Variants in PAPPA2 observed in about 807,000 individuals in gnomAD.
The protein encoded by PAPPA2 is pappalysin-2.
Under a neutral mutation model 176.4 loss-of-function variants are expected in PAPPA2, and 86 were observed. The ratio of observed to expected loss-of-function variants is 0.49; its 90% CI spans 0.41 to 0.58. The LOEUF (loss-of-function observed/expected upper bound fraction) is 0.58. PAPPA2 is among the 20% of genes least tolerant of loss of function. The pLI is 0.00. For missense variants in PAPPA2, 2,073 were observed against 2,256.9 expected (o/e 0.92, Z 1.65); for synonymous variants, 809 against 852.2 (o/e 0.95, Z 0.88).
chr1:176,641,862 C>A (rs960807420), intron 3 of PAPPA2, among the ~76,000 whole-genome samples: 2 of 151,848 alleles, frequency 1.3e-5, no homozygotes, highest in African/African-American at 2.4e-5. Context: ...TATTATTGAG[C>A]CAAGTGTTTG....
intron 3 of PAPPA2, among the ~76,000 whole-genome samples, chr1:176,612,729 A>C (rs1271885238): frequency 6.6e-6 from 1 of 152,212 alleles, no homozygotes; most frequent in Non-Finnish European, 1.5e-5. Flanking sequence ...GCAAAAATCC[A>C]GTATCATCTT....
intron 21 of PAPPA2, among the ~76,000 whole-genome samples, chr1:176,802,198 G>C (rs1489079315): frequency 6.6e-6 from 1 of 152,106 alleles, no homozygotes; most frequent in Non-Finnish European, 1.5e-5. Context: ...CCGAGAGTTT[G>C]TTGTGCAGCA....
chr1:176,638,031 C>A (rs1267703387), intron 3 of PAPPA2, among the ~76,000 whole-genome samples: 1 of 151,932 alleles, frequency 6.6e-6, no homozygotes, highest in Non-Finnish European at 1.5e-5. Context: ...TAGTGTCATC[C>A]CAAGTGCCTT....
At chr1:176,785,442 C>T (rs929621827) in intron 17 of PAPPA2, among the ~76,000 whole-genome samples, 42 of 152,028 alleles carry the variant, frequency 2.8e-4, no homozygotes, top group African/African-American at 5.6e-4. Flanking sequence ...CATGGAGAGA[C>T]GGCAGTGCAA....
chr1:176,669,397 C>T (rs1386546633), intron 3 of PAPPA2, among the ~76,000 whole-genome samples: 1 of 152,010 alleles, frequency 6.6e-6, no homozygotes, highest in Non-Finnish European at 1.5e-5. Flanking sequence ...ATCATCATCA[C>T]CCCCAAACCA....
rs937968124 is a variant in PAPPA2, at chr1:176,695,913, G to T, written c.2746+54G>T. On this transcript the variant is annotated intron_variant, in intron 7 of 22. Coordinates refer to ENST00000367662, the MANE Select transcript of PAPPA2 (RefSeq NM_020318.3). ...ACCCTGGTGACCACTGAGGATGGGG[G>T]TGGAGGTAAAGAGTGGAGTAGTGAC... The T allele has an allele frequency of 4.4e-6, 7 of 1,601,120 alleles. No individual in the cohort carries two copies. In the African/African-American group the frequency reaches 8.0e-5, roughly 18 times the overall value.
chr1:176,623,605 TCCTTCCTTCC>T (rs1655734160), intron 3 of PAPPA2, among the ~76,000 whole-genome samples: 2 of 143,602 alleles, frequency 1.4e-5, no homozygotes, highest in Admixed American at 7.0e-5. Flanking sequence ...CTTCCTTCCT[TCCTTCCTTCC>T]TTCCTTCCTT....
intron 14 of PAPPA2, among the ~76,000 whole-genome samples, chr1:176,741,941 G>A (rs1405111850): frequency 6.6e-6 from 1 of 152,130 alleles, no homozygotes; most frequent in Non-Finnish European, 1.5e-5. Flanking sequence ...TGAAACATGT[G>A]TTCTTGGTGA....
chr1:176,835,613 G>T (rs1349180150), intron 21 of PAPPA2, among the ~76,000 whole-genome samples: 1 of 152,106 alleles, frequency 6.6e-6, no homozygotes, highest in Admixed American at 6.5e-5. Context: ...TCTGCCTCCC[G>T]GGTTCAAGCG....
chr1:176,614,074 C>G (rs1655079779), intron 3 of PAPPA2, among the ~76,000 whole-genome samples: 1 of 152,184 alleles, frequency 6.6e-6, no homozygotes, highest in East Asian at 1.9e-4. Flanking sequence ...AAGCCATATC[C>G]TTTTTCTAGA....
intron 17 of PAPPA2, among the ~76,000 whole-genome samples, chr1:176,780,231 C>T (rs185536497): frequency 4.4e-4 from 67 of 152,280 alleles, no homozygotes; most frequent in African/African-American, 1.6e-3. Context: ...GTCTGTGAGT[C>T]AGACTGATCA....
At chr1:176,591,707 T>A (rs1222350098) in intron 2 of PAPPA2, among the ~76,000 whole-genome samples, 1 of 152,172 alleles carries the variant, frequency 6.6e-6, no homozygotes, top group Non-Finnish European at 1.5e-5. Context: ...TCATAACAGG[T>A]CCTCGTTTAT....
rs748569992 is a variant in PAPPA2, at chr1:176,791,406, T to C, written c.4944T>C (p.Asn1648=). 5.6e-6 allele frequency: 9 copies of C among 1,612,804 alleles called. No individual in the cohort carries two copies. The part of the protein sequence containing the change: ...LWTQEFKLCE[N]LQGECPPPPS... ...CCCAGGAGTTTAAGTTGTGTGAGAA[T>C]CTGCAAGGAGAATGCCCACCACCCC... The change falls in exon 19 of 23, where the codon AAT becomes AAC. Residue 1648 remains asparagine (N), a synonymous_variant. Coordinates refer to ENST00000367662, the MANE Select transcript of PAPPA2 (RefSeq NM_020318.3).
intron 1 of PAPPA2, among the ~76,000 whole-genome samples, chr1:176,487,526 A>G (rs1370652069): frequency 6.6e-6 from 1 of 152,194 alleles, no homozygotes; most frequent in African/African-American, 2.4e-5. Flanking sequence ...AATCAGAAAT[A>G]GCCAAGTGGG....
intron 2 of PAPPA2, among the ~76,000 whole-genome samples, chr1:176,574,405 T>C (rs1652527454): frequency 6.6e-6 from 1 of 152,158 alleles, no homozygotes; most frequent in Non-Finnish European, 1.5e-5. Flanking sequence ...GTACAGCTAT[T>C]AAGTTTGGTT....
chr1:176,719,885 T>C (rs1661543320), intron 12 of PAPPA2, among the ~76,000 whole-genome samples: 1 of 152,238 alleles, frequency 6.6e-6, no homozygotes, highest in African/African-American at 2.4e-5. Context: ...ATACACTTTT[T>C]AGTTTCTGTG....
At chr1:176,693,760 G>A (rs995309531) in intron 6 of PAPPA2, among the ~76,000 whole-genome samples, 3 of 152,186 alleles carry the variant, frequency 2.0e-5, no homozygotes, top group African/African-American at 4.8e-5. Context: ...CTCTGTTTGT[G>A]AGTCAGCACA....
At chr1:176,766,814 A>G (rs1034326016) in intron 15 of PAPPA2, among the ~76,000 whole-genome samples, 1 of 152,196 alleles carries the variant, frequency 6.6e-6, no homozygotes, top group Non-Finnish European at 1.5e-5. Context: ...GGAAGAGATG[A>G]TGGTGCTCGA....
chr1:176,569,542 T>C (rs1243651108), intron 2 of PAPPA2, among the ~76,000 whole-genome samples: 1 of 152,342 alleles, frequency 6.6e-6, no homozygotes, highest in African/African-American at 2.4e-5. Context: ...TTACTTCTCA[T>C]TAATTGAACA....
Sources: allele counts gnomAD v4.1 joint callset (sites outside exome capture counted in the v4.1 genomes callset), GRCh38; gene constraint gnomAD v4.1.1; transcripts MANE v1.5; gene names NCBI Gene and HGNC (gene_info 2026-07-23, HGNC 2026-07-21).